The following QTMAN variants were observed in gnomAD, a reference collection of about 807,000 sequenced individuals.
The protein encoded by QTMAN is tRNA-queuosine alpha-mannosyltransferase.
At chr2:144,133,121 A>ATTTATATT in the QTMAN span, among the ~76,000 whole-genome samples, 5 of 19,040 alleles carry the variant, frequency 2.6e-4, no homozygotes, top group African/African-American at 1.0e-3. Context: ...CTGGTAATAT[A>ATTTATATT]TATATATATA....
the QTMAN span, among the ~76,000 whole-genome samples, chr2:144,183,384 T>C: frequency 2.6e-5 from 4 of 152,146 alleles, no homozygotes; most frequent in Non-Finnish European, 5.9e-5. Flanking sequence ...ATGTTTTTTT[T>C]CCTTCTCCAC....
At chr2:143,998,560 T>C in the QTMAN span, among the ~76,000 whole-genome samples, 10 of 152,008 alleles carry the variant, frequency 6.6e-5, no homozygotes, top group South Asian at 2.1e-4. Flanking sequence ...AGAAAAGCTA[T>C]TGGATCTCAT....
the QTMAN span, among the ~76,000 whole-genome samples, chr2:144,155,518 T>C: frequency 8.5e-5 from 13 of 152,200 alleles, no homozygotes; most frequent in Admixed American, 2.6e-4. Flanking sequence ...TCATTTTACA[T>C]TGGAATGTTC....
chr2:144,029,069 C>T, the QTMAN span, among the ~76,000 whole-genome samples: 1 of 152,288 alleles, frequency 6.6e-6, no homozygotes, highest in East Asian at 1.9e-4. Flanking sequence ...ATATGATAAC[C>T]TAGCTGAGCC....
At chr2:144,283,969 C>T in the QTMAN span, among the ~76,000 whole-genome samples, 1 of 151,388 alleles carries the variant, frequency 6.6e-6, no homozygotes, top group Non-Finnish European at 1.5e-5. Context: ...AATTATGTCC[C>T]TAACATATAG....
At chr2:144,320,738 G>A in the QTMAN span, among the ~76,000 whole-genome samples, 1 of 152,168 alleles carries the variant, frequency 6.6e-6, no homozygotes, top group Non-Finnish European at 1.5e-5. Flanking sequence ...CTGAGTCACG[G>A]CATTCTTTGA....
the QTMAN span, among the ~76,000 whole-genome samples, chr2:144,119,081 T>C: frequency 6.6e-6 from 1 of 152,106 alleles, no homozygotes; most frequent in Admixed American, 6.6e-5. Flanking sequence ...GCTGGTAATG[T>C]CTGGGCAAGA....
chr2:144,017,125 C>T, the QTMAN span, among the ~76,000 whole-genome samples: 2 of 151,904 alleles, frequency 1.3e-5, no homozygotes, highest in Non-Finnish European at 2.9e-5. Context: ...CTGCCTCAGC[C>T]TCCTGAGTAG....
At chr2:144,090,012 G>T in the QTMAN span, among the ~76,000 whole-genome samples, 1 of 152,018 alleles carries the variant, frequency 6.6e-6, no homozygotes, top group East Asian at 1.9e-4. Context: ...AAAAATATAT[G>T]TCCAAGTGTG....
the QTMAN span, among the ~76,000 whole-genome samples, chr2:144,161,738 T>C: frequency 6.6e-6 from 1 of 152,210 alleles, no homozygotes; most frequent in East Asian, 1.9e-4. Context: ...TATAAGATTT[T>C]ATTATGGCAA....
At chr2:143,974,277 T>C in the QTMAN span, among the ~76,000 whole-genome samples, 1 of 152,184 alleles carries the variant, frequency 6.6e-6, no homozygotes, top group African/African-American at 2.4e-5. Flanking sequence ...TAAAGGGTAA[T>C]TTGATAATGT....
chr2:144,053,031 C>T, the QTMAN span, among the ~76,000 whole-genome samples: 1 of 152,142 alleles, frequency 6.6e-6, no homozygotes, highest in Non-Finnish European at 1.5e-5. Flanking sequence ...ATATCGATGT[C>T]CAAACTGGTA....
At chr2:144,126,943 T>C in the QTMAN span, among the ~76,000 whole-genome samples, 19 of 152,186 alleles carry the variant, frequency 1.2e-4, no homozygotes, top group Admixed American at 5.9e-4. Flanking sequence ...ATATTATTTG[T>C]GCTAAACTGT....
the QTMAN span, among the ~76,000 whole-genome samples, chr2:144,290,679 A>T: frequency 6.6e-6 from 1 of 151,880 alleles, no homozygotes; most frequent in African/African-American, 2.4e-5. Context: ...CTCTTTTTCC[A>T]CCTAAATACA....
chr2:144,248,706 A>T, the QTMAN span, among the ~76,000 whole-genome samples: 1 of 152,082 alleles, frequency 6.6e-6, no homozygotes, highest in Non-Finnish European at 1.5e-5. Context: ...CCCTAAAATG[A>T]GGAAATTCCA....
chr2:144,149,613 G>A, the QTMAN span, among the ~76,000 whole-genome samples: 1 of 151,716 alleles, frequency 6.6e-6, no homozygotes, highest in Non-Finnish European at 1.5e-5. Flanking sequence ...AAAAGTACAA[G>A]TAAGCTGCTA....
At chr2:144,077,017 T>A in the QTMAN span, among the ~76,000 whole-genome samples, 2 of 147,056 alleles carry the variant, frequency 1.4e-5, no homozygotes, top group African/African-American at 2.5e-5. Flanking sequence ...AAACAATAGA[T>A]TAAAAAACTA....
At chr2:143,965,143 G>T in the QTMAN span, among the ~76,000 whole-genome samples, 1 of 151,852 alleles carries the variant, frequency 6.6e-6, no homozygotes, top group Non-Finnish European at 1.5e-5. Context: ...TTGCATTGAG[G>T]AGCTTCTAGG....
At chr2:144,139,726 C>T in the QTMAN span, among the ~76,000 whole-genome samples, 98 of 152,072 alleles carry the variant, frequency 6.4e-4, no homozygotes, top group African/African-American at 2.3e-3. Context: ...CTAATATTAG[C>T]GAAACTGCTG....
Sources: gnomAD v4.1 joint callset for allele counts (sites outside exome capture counted in the v4.1 genomes callset) on GRCh38, gnomAD v4.1.1 for gene constraint, MANE v1.5 for transcripts, NCBI Gene and HGNC (gene_info 2026-07-23, HGNC 2026-07-21) for gene names.